The following LRRC4C variants were observed in gnomAD, a reference collection of about 807,000 sequenced individuals.
LRRC4C encodes leucine-rich repeat-containing protein 4C.
Under a neutral mutation model 33.6 loss-of-function variants are expected in LRRC4C, and 5 were observed. The observed-to-expected ratio is 0.15, with a 90% CI of 0.08 to 0.31. The LOEUF (loss-of-function observed/expected upper bound fraction) is 0.31, where lower values mean the gene tolerates loss of function less well. Among genes scored for constraint, LRRC4C ranks in the 10% least tolerant of loss-of-function variants. The pLI, the probability that LRRC4C is intolerant of heterozygous loss-of-function variation, is 1.00. For synonymous variants in LRRC4C, 329 were observed against 302.0 expected, an observed-to-expected ratio of 1.09 and a Z score of -0.93; for missense variants, 560 against 796.7, an observed-to-expected ratio of 0.70 and a Z score of 3.58.
At chr11:40,741,425 C>T (rs1008245108) in intron 2 of LRRC4C, among the ~76,000 whole-genome samples, 27 of 152,106 alleles carry the variant, frequency 1.8e-4, no homozygotes, top group African/African-American at 6.0e-4. Flanking sequence ...CACTGGATGC[C>T]TGAACAGCGC....
rs115338239 is a variant in LRRC4C, at chr11:41,357,297, T to C, written c.-496+102134A>G. On this transcript the variant is annotated intron_variant, in intron 1 of 6. Coordinates refer to ENST00000528697, the MANE Select transcript of LRRC4C (RefSeq NM_001258419.2). The stretch of plus-strand genomic sequence containing the variant: ...ACTTGTCTAATGGTTAATATGTAGA[T>C]AATTTTTTTAATTTACTGTTATATT... Among the ~76,000 whole-genome samples the C allele has an allele frequency of 6.2e-3, 941 of 152,294 alleles. 11 individuals carry two copies. The highest frequency in any genetic ancestry group is 0.021 in the African/African-American group (866 of 41,574).
rs559526556 is a variant in LRRC4C, at chr11:41,057,302, C to T, written c.-495-123579G>A. On this transcript the variant is annotated intron_variant, in intron 1 of 6. Coordinates refer to ENST00000528697, the MANE Select transcript of LRRC4C (RefSeq NM_001258419.2). ...CAGTGCTGAAACACCAGTCCCTTGC[C>T]GCCTAAGACCCTCCAAACTTTGGGC... Among the ~76,000 whole-genome samples the T allele has an allele frequency of 1.6e-4, 25 of 152,334 alleles. No homozygotes were observed. The South Asian group carries it at 2.7e-3, about 16-fold the overall frequency.
Position 41,112,501 on chromosome 11 carries a change from A to C in LRRC4C, c.-495-178778T>G, listed in dbSNP as rs544222393. On this transcript the variant is annotated intron_variant, in intron 1 of 6. Transcript: ENST00000528697. Reference sequence around the variant, plus strand: ...TCTCTGTCAATCTTACTATATTCCAAATTGAATCAGGGGAGTTGAAGTAGT... The same window carrying C: ...TCTCTGTCAATCTTACTATATTCCACATTGAATCAGGGGAGTTGAAGTAGT... 6.6e-5 allele frequency among the ~76,000 whole-genome samples: 10 copies of C among 152,164 alleles called. No homozygotes were observed. In the East Asian group the frequency reaches 1.9e-3, roughly 29 times the overall value.
At chr11:41,028,766 C>A (rs756399877) in intron 1 of LRRC4C, among the ~76,000 whole-genome samples, 1 of 151,454 alleles carries the variant, frequency 6.6e-6, no homozygotes, top group Non-Finnish European at 1.5e-5. Context: ...TTCCCTTATG[C>A]TTGGAATGTT....
chr11:40,950,576 G>T (rs939698032), intron 1 of LRRC4C, among the ~76,000 whole-genome samples: 3 of 151,832 alleles, frequency 2.0e-5, no homozygotes, highest in Admixed American at 1.3e-4. Context: ...TTTGACCTTT[G>T]TGTATACATG....
intron 2 of LRRC4C, among the ~76,000 whole-genome samples, chr11:40,872,759 G>A (rs866416857): frequency 2.5e-4 from 38 of 152,080 alleles, no homozygotes; most frequent in African/African-American, 9.2e-4. Flanking sequence ...ATATGGACAA[G>A]TAAAAGGGGA....
chr11:40,678,696 C>A (rs116637605), intron 2 of LRRC4C, among the ~76,000 whole-genome samples: 1 of 152,106 alleles, frequency 6.6e-6, no homozygotes, highest in Non-Finnish European at 1.5e-5. Context: ...CCCGCCGCCA[C>A]GTAAGACGTC....
chr11:40,941,317 A>C (rs540218910), intron 1 of LRRC4C, among the ~76,000 whole-genome samples: 33 of 152,238 alleles, frequency 2.2e-4, no homozygotes, highest in Non-Finnish European at 3.7e-4. Flanking sequence ...TTAAGAACTG[A>C]TATCTGATTT....
intron 1 of LRRC4C, among the ~76,000 whole-genome samples, chr11:41,109,094 TCTAA>T (rs1941679692): frequency 6.6e-6 from 1 of 152,126 alleles, no homozygotes; most frequent in African/African-American, 2.4e-5. Flanking sequence ...TTTTAACTGA[TCTAA>T]CTGATATATT....
At chr11:40,126,943 G>A (rs1419139457) in intron 6 of LRRC4C, among the ~76,000 whole-genome samples, 5 of 150,338 alleles carry the variant, frequency 3.3e-5, no homozygotes, top group Admixed American at 2.0e-4. Flanking sequence ...CTGGGTGACA[G>A]AGCGAAACTT....
chr11:41,105,203 T>C (rs976183395), intron 1 of LRRC4C, among the ~76,000 whole-genome samples: 5 of 151,996 alleles, frequency 3.3e-5, no homozygotes, highest in Non-Finnish European at 7.4e-5. Context: ...CTACACACCG[T>C]GGTCCCTTTT....
intron 1 of LRRC4C, among the ~76,000 whole-genome samples, chr11:41,128,393 C>T (rs768350526): frequency 2.8e-4 from 43 of 152,096 alleles, no homozygotes; most frequent in Non-Finnish European, 5.6e-4. Context: ...TTTTTAACCA[C>T]ACAGGACTGT....
intron 1 of LRRC4C, among the ~76,000 whole-genome samples, chr11:41,429,090 A>G (rs1467069782): frequency 6.6e-6 from 1 of 152,088 alleles, no homozygotes; most frequent in African/African-American, 2.4e-5. Context: ...GGGGGCAGTT[A>G]CCCTCATGCT....
chr11:40,121,740 A>C (rs1855843087), intron 6 of LRRC4C, among the ~76,000 whole-genome samples: 1 of 152,212 alleles, frequency 6.6e-6, no homozygotes, highest in African/African-American at 2.4e-5. Flanking sequence ...TAGCTAACGG[A>C]GATGCTTTCT....
chr11:40,860,242 C>T (rs1382953038), intron 2 of LRRC4C, among the ~76,000 whole-genome samples: 1 of 151,980 alleles, frequency 6.6e-6, no homozygotes, highest in Non-Finnish European at 1.5e-5. Context: ...AGACAGACAG[C>T]AGATTGGTGT....
intron 3 of LRRC4C, among the ~76,000 whole-genome samples, chr11:40,582,523 T>G (rs1029541956): frequency 3.1e-4 from 46 of 150,046 alleles, no homozygotes; most frequent in African/African-American, 1.1e-3. Context: ...GTTTTTTTTT[T>G]TTTTTTTTTT....
chr11:41,404,458 C>G (rs185862441), intron 1 of LRRC4C, among the ~76,000 whole-genome samples: 1 of 150,934 alleles, frequency 6.6e-6, no homozygotes, highest in Admixed American at 6.6e-5. Flanking sequence ...TCTCCGACAA[C>G]CCCAGGGCTA....
At chr11:40,958,330 T>G (rs1339168277) in intron 1 of LRRC4C, among the ~76,000 whole-genome samples, 1 of 151,762 alleles carries the variant, frequency 6.6e-6, no homozygotes, top group African/African-American at 2.4e-5. Context: ...TGACCTAAGT[T>G]ATAAGCTTGT....
chr11:40,423,919 T>C (rs1565373516), intron 3 of LRRC4C, among the ~76,000 whole-genome samples: 1 of 152,214 alleles, frequency 6.6e-6, no homozygotes, highest in African/African-American at 2.4e-5. Flanking sequence ...ATGATGAAGA[T>C]GTATACATAC....
Sources: gnomAD v4.1 joint callset for allele counts (sites outside exome capture counted in the v4.1 genomes callset) on GRCh38, gnomAD v4.1.1 for gene constraint, MANE v1.5 for transcripts, NCBI Gene and HGNC (gene_info 2026-07-23, HGNC 2026-07-21) for gene names.